The following PARD3 variants were observed in gnomAD, a reference collection of about 807,000 sequenced individuals.
The protein encoded by PARD3 is partitioning defective 3 homolog.
A neutral mutation model predicts 155.4 loss-of-function variants in PARD3; 75 were observed. The observed-to-expected ratio is 0.48, with a 90% CI of 0.40 to 0.58. The LOEUF (loss-of-function observed/expected upper bound fraction) is 0.58. PARD3 is among the 20% of genes least tolerant of loss of function. The pLI, the probability that PARD3 is intolerant of heterozygous loss-of-function variation, is 0.00. For missense variants in PARD3, 1,642 were observed against 1,721.7 expected (o/e 0.95, Z 0.82); for synonymous variants, 576 against 610.5 (o/e 0.94, Z 0.83).
At chr10:34,190,841 G>T (rs781674287) in intron 22 of PARD3, among the ~76,000 whole-genome samples, 1 of 152,098 alleles carries the variant, frequency 6.6e-6, no homozygotes, top group Non-Finnish European at 1.5e-5. Flanking sequence ...GGAGGATGCC[G>T]GTGGGGAGGA....
chr10:34,765,475 TGA>T (rs146884464), intron 1 of PARD3, among the ~76,000 whole-genome samples: 2,060 of 152,028 alleles, frequency 0.014, 52 homozygotes, highest in African/African-American at 0.046. Flanking sequence ...GTCAGGAATT[TGA>T]GACCACCCTG....
chr10:34,518,141 A>C (rs2133643923), intron 2 of PARD3, among the ~76,000 whole-genome samples: 1 of 152,316 alleles, frequency 6.6e-6, no homozygotes, highest in South Asian at 2.1e-4. Context: ...AGCCTCCCAA[A>C]GTGCTGGGAT....
intron 3 of PARD3, among the ~76,000 whole-genome samples, chr10:34,480,063 G>A (rs2078976484): frequency 6.6e-6 from 1 of 152,230 alleles, no homozygotes; most frequent in African/African-American, 2.4e-5. Context: ...CCCTGCTGCT[G>A]CAGTCCTTGC....
At chr10:34,245,137 A>G (rs1217748956) in intron 22 of PARD3, among the ~76,000 whole-genome samples, 1 of 152,240 alleles carries the variant, frequency 6.6e-6, no homozygotes, top group East Asian at 1.9e-4. Flanking sequence ...AGGAAGTCTT[A>G]GCAGACATAC....
intron 14 of PARD3, among the ~76,000 whole-genome samples, chr10:34,355,124 C>G (rs1010955133): frequency 2.6e-5 from 4 of 151,972 alleles, no homozygotes; most frequent in African/African-American, 9.7e-5. Context: ...TTACTTGAGC[C>G]CAGGAGTTTA....
chr10:34,800,504 G>C (rs567321139), intron 1 of PARD3, among the ~76,000 whole-genome samples: 14 of 152,000 alleles, frequency 9.2e-5, no homozygotes, highest in Middle Eastern at 3.4e-3. Flanking sequence ...CCAGCTACTC[G>C]GGAGGCTGAG....
At chr10:34,369,589 T>C (rs754136601) in intron 12 of PARD3, among the ~76,000 whole-genome samples, 3 of 152,184 alleles carry the variant, frequency 2.0e-5, no homozygotes, top group Non-Finnish European at 4.4e-5. Context: ...TGAAAGAAAC[T>C]GTCTTCTATT....
chr10:34,558,723 G>T (rs2085216446), intron 2 of PARD3, among the ~76,000 whole-genome samples: 1 of 152,284 alleles, frequency 6.6e-6, no homozygotes, highest in Admixed American at 6.5e-5. Context: ...TTGAGGTCAG[G>T]AATTCAAGAC....
chr10:34,680,793 A>G (rs1404318127), intron 2 of PARD3, among the ~76,000 whole-genome samples: 1 of 133,426 alleles, frequency 7.5e-6, no homozygotes, highest in African/African-American at 2.8e-5. Flanking sequence ...ATGAGATCAC[A>G]TGGACACAGG....
At chr10:34,716,465 G>A (rs559156051) in intron 1 of PARD3, among the ~76,000 whole-genome samples, 3 of 152,140 alleles carry the variant, frequency 2.0e-5, no homozygotes, top group East Asian at 3.9e-4. Context: ...AATAAAACTT[G>A]TAACTATAAA....
chr10:34,327,441 G>A (rs1468385271), intron 19 of PARD3, among the ~76,000 whole-genome samples: 2 of 152,268 alleles, frequency 1.3e-5, no homozygotes, highest in African/African-American at 4.8e-5. Flanking sequence ...CTGTGCCCAT[G>A]CCATGATTTC....
At chr10:34,305,516 C>T (rs187116699) in intron 20 of PARD3, among the ~76,000 whole-genome samples, 9 of 152,334 alleles carry the variant, frequency 5.9e-5, no homozygotes, top group Admixed American at 2.6e-4. Context: ...TAGACTCTGA[C>T]GTTTTCAGGC....
At chr10:34,480,920 T>C (rs1225921407) in intron 3 of PARD3, among the ~76,000 whole-genome samples, 1 of 149,728 alleles carries the variant, frequency 6.7e-6, no homozygotes, top group Non-Finnish European at 1.5e-5. Flanking sequence ...TCCTGCCTCA[T>C]CCTCCCAAGT....
At chr10:34,147,826 A>G (rs1046776418) in intron 22 of PARD3, among the ~76,000 whole-genome samples, 1 of 152,178 alleles carries the variant, frequency 6.6e-6, no homozygotes, top group Non-Finnish European at 1.5e-5. Context: ...TCTAGGGCCA[A>G]AGGTCACAGG....
At chr10:34,288,878 T>G (rs943833861) in intron 20 of PARD3, among the ~76,000 whole-genome samples, 2 of 152,148 alleles carry the variant, frequency 1.3e-5, no homozygotes, top group Non-Finnish European at 2.9e-5. Flanking sequence ...CCAGCAGGTG[T>G]CAGGCTGAAA....
chr10:34,740,569 C>T lies in PARD3; in HGVS notation c.121-44150G>A, dbSNP rs189923177. On this transcript the variant is annotated intron_variant, in intron 1 of 24. Transcript: ENST00000374788. Reference sequence around the variant, plus strand: ...AGAGCTGAGCTGTTCTTCTGACTCCCGCCCCCATCTCCCCCTCCCACTCCT... The same window carrying T: ...AGAGCTGAGCTGTTCTTCTGACTCCTGCCCCCATCTCCCCCTCCCACTCCT... 6.6e-4 allele frequency among the ~76,000 whole-genome samples: 100 copies of T among 152,082 alleles called. 2 individuals are homozygous for T. Among genetic ancestry groups the T allele is most frequent in the East Asian group, 2.1e-3 (11 of 5,158 alleles).
intron 22 of PARD3, among the ~76,000 whole-genome samples, chr10:34,208,093 T>C (rs1237224538): frequency 4.6e-5 from 7 of 152,214 alleles, no homozygotes; most frequent in Non-Finnish European, 8.8e-5. Context: ...TAGGCTGCTT[T>C]AGCTACACAT....
chr10:34,763,876 T>G (rs2134036709), intron 1 of PARD3, among the ~76,000 whole-genome samples: 1 of 152,326 alleles, frequency 6.6e-6, no homozygotes, highest in South Asian at 2.1e-4. Context: ...CAGCACTTTC[T>G]TTTCAGAATT....
At chr10:34,334,346 C>CA (rs34205005) in intron 18 of PARD3, among the ~76,000 whole-genome samples, 3,258 of 94,486 alleles carry the variant, frequency 0.034, 48 homozygotes, top group African/African-American at 0.045. Context: ...TCCCTCTTGC[C>CA]AAAAAAAAAA....
Sources: allele counts gnomAD v4.1 joint callset (sites outside exome capture counted in the v4.1 genomes callset), GRCh38; gene constraint gnomAD v4.1.1; transcripts MANE v1.5; gene names NCBI Gene and HGNC (gene_info 2026-07-23, HGNC 2026-07-21).